Variants in TIPIN observed in about 807,000 individuals in gnomAD.
TIPIN encodes TIMELESS-interacting protein.
In TIPIN, 29 loss-of-function variants were observed where a neutral mutation model predicts 35.6. The observed-to-expected ratio is 0.82, with a 90% confidence interval of 0.61 to 1.11. The LOEUF (loss-of-function observed/expected upper bound fraction) is 1.11. Among genes scored for constraint, TIPIN ranks in the 50% most tolerant of loss-of-function variants. The probability of loss-of-function intolerance (pLI) is 0.00; values close to 1 mark genes in which losing one functional copy is unlikely to be tolerated. For synonymous variants in TIPIN, 102 were observed against 121.5 expected, an observed-to-expected ratio of 0.84 and a Z score of 1.06; for missense variants, 296 against 345.4, an observed-to-expected ratio of 0.86 and a Z score of 1.13.
chr15:66,370,024 T>C (rs927468507), intron 1 of TIPIN, among the ~76,000 whole-genome samples: 7 of 152,210 alleles, frequency 4.6e-5, no homozygotes, highest in African/African-American at 1.7e-4. Flanking sequence ...ATGAATGTCC[T>C]GGGAAAGAGA....
intron 1 of TIPIN, among the ~76,000 whole-genome samples, chr15:66,367,216 A>ATATCTG (rs1218328186): frequency 7.1e-6 from 1 of 140,580 alleles, no homozygotes; most frequent in African/African-American, 3.2e-5. Flanking sequence ...ATCTATATCT[A>ATATCTG]TATCTATATC....
At chr15:66,366,710 T>G (rs1459409319) in intron 1 of TIPIN, 1 of 572,830 alleles carries the variant, frequency 1.7e-6, no homozygotes, top group Non-Finnish European at 2.2e-6. Context: ...GAGGTTGCAG[T>G]CAGCTGAGAA....
In TIPIN at chr15:66,352,132, T is replaced by G. The variant is rs754689583; in HGVS notation, c.209A>C (p.Gln70Pro). 1 of 1,600,654 alleles carries G rather than the reference T, an allele frequency of 6.2e-7. No individual in the cohort carries two copies. Among genetic ancestry groups the G allele is most frequent in the Non-Finnish European group, 8.5e-7 (1 of 1,172,390 alleles). The change falls in exon 3 of 8, where the codon CAG becomes CCG. Residue 70 changes from glutamine to proline, a missense_variant. By Grantham distance (76) the Gln-to-Pro change is moderately conservative (BLOSUM62 -1). Coordinates refer to ENST00000261881, the MANE Select transcript of TIPIN (RefSeq NM_017858.3). The part of the protein sequence containing the change: ...VKRNIPKLDA[Q>P]RLISERGLPA... ...TATAAGAATATAGTAAATGTACCTCTGAGCATCCAGCTTGGGTATATTTCT... is the reference window on the plus strand; with the variant it reads ...TATAAGAATATAGTAAATGTACCTCGGAGCATCCAGCTTGGGTATATTTCT...
chr15:66,344,265 C>A lies in TIPIN; in HGVS notation c.476-2909G>T, dbSNP rs912406962. On this transcript the variant is annotated intron_variant, in intron 6 of 7. Coordinates refer to ENST00000261881, the MANE Select transcript of TIPIN (RefSeq NM_017858.3). Reference sequence around the variant, plus strand: ...AGGTGTTGACCACTCTGGTCCCTAACTCCTGGCTTCAAATGAACTCAAAGA... The same window carrying A: ...AGGTGTTGACCACTCTGGTCCCTAAATCCTGGCTTCAAATGAACTCAAAGA... Among the ~76,000 whole-genome samples, 3 of 152,078 alleles carry A rather than the reference C, an allele frequency of 2.0e-5. No individual in the cohort carries two copies. In the South Asian group the frequency reaches 6.2e-4, roughly 32 times the overall value.
chr15:66,351,484 A>G (rs774957423), intron 4 of TIPIN, 41 bp downstream of exon 4: 2 of 1,469,612 alleles, frequency 1.4e-6, no homozygotes, highest in East Asian at 2.3e-5. Context: ...TTTTATTGCT[A>G]TTTTAAAAAA....
At chr15:66,355,122 C>T (rs1322296644) in intron 1 of TIPIN, among the ~76,000 whole-genome samples, 1 of 150,798 alleles carries the variant, frequency 6.6e-6, no homozygotes, top group Non-Finnish European at 1.5e-5. Context: ...CAAGCTCCGC[C>T]TCCCGGGTTC....
intron 6 of TIPIN, among the ~76,000 whole-genome samples, chr15:66,344,605 C>A (rs1227135111): frequency 6.7e-6 from 1 of 149,808 alleles, no homozygotes; most frequent in Admixed American, 6.8e-5. Context: ...AATCCCAGCA[C>A]TTTGGGAACC....
At chr15:66,338,813 CAAAAAAAAAAAAAAA>C (rs35966273) in intron 7 of TIPIN, among the ~76,000 whole-genome samples, 1 of 35,292 alleles carries the variant, frequency 2.8e-5, no homozygotes. Flanking sequence ...GACTCCGTCT[CAAAAAAAAAAAAAAA>C]AAAAAAAGGA....
At chr15:66,352,424 G>A (rs975303843) in intron 2 of TIPIN, among the ~76,000 whole-genome samples, 3 of 151,926 alleles carry the variant, frequency 2.0e-5, no homozygotes, top group African/African-American at 4.8e-5. Flanking sequence ...TCAGTATCCC[G>A]AGTACCTGGA....
At chr15:66,338,086 C>T (rs1566969528) in intron 7 of TIPIN, among the ~76,000 whole-genome samples, 1 of 151,816 alleles carries the variant, frequency 6.6e-6, no homozygotes, top group Non-Finnish European at 1.5e-5. Context: ...TGAAACCCTG[C>T]CTCTACAAAA....
intron 6 of TIPIN, among the ~76,000 whole-genome samples, chr15:66,347,835 C>G (rs1345714607): frequency 6.6e-6 from 1 of 152,124 alleles, no homozygotes; most frequent in African/African-American, 2.4e-5. Context: ...CTGCCCACCT[C>G]AGCCTCCCAA....
At chr15:66,347,724 C>G (rs929554781) in intron 6 of TIPIN, among the ~76,000 whole-genome samples, 2 of 152,076 alleles carry the variant, frequency 1.3e-5, no homozygotes, top group Non-Finnish European at 2.9e-5. Flanking sequence ...GCTGGGATTA[C>G]AGGCGTGCAC....
chr15:66,361,888 A>T (rs151215923), intron 1 of TIPIN, among the ~76,000 whole-genome samples: 3,963 of 151,996 alleles, frequency 0.026, 58 homozygotes, highest in Non-Finnish European at 0.037. Flanking sequence ...TGCCTGTAGG[A>T]GAATCACTCC....
intron 1 of TIPIN, chr15:66,366,684 T>C: frequency 2.8e-6 from 1 of 356,174 alleles, no homozygotes; most frequent in Non-Finnish European, 3.9e-6. Flanking sequence ...GGAGAATTGC[T>C]TGAACCCAGG....
At position 66,348,881 on chromosome 15, in the gene TIPIN, G is replaced by C. The variant is rs577319783; in HGVS notation, c.475+179C>G. 2.6e-5 allele frequency among the ~76,000 whole-genome samples: 4 copies of C among 152,270 alleles called. No individual in the cohort carries two copies. In the South Asian group the frequency reaches 8.3e-4, roughly 32 times the overall value. On this transcript the variant is annotated intron_variant, in intron 6 of 7. Coordinates refer to ENST00000261881, the MANE Select transcript of TIPIN (RefSeq NM_017858.3). ...GATCCCTTAAGCCCAGGAGTTGAAG[G>C]CTGCAGTAAGCTATGATTGTGCTAC...
At chr15:66,341,452 T>C in intron 6 of TIPIN, 96 bp from the exon 7 acceptor site, 5 of 1,040,260 alleles carry the variant, frequency 4.8e-6, no homozygotes, top group African/African-American at 1.6e-5. Flanking sequence ...GTGACAGACC[T>C]GAAAAAACAA....
chr15:66,365,694 G>A (rs766690239), intron 1 of TIPIN, among the ~76,000 whole-genome samples: 4 of 151,944 alleles, frequency 2.6e-5, no homozygotes, highest in Non-Finnish European at 2.9e-5. Flanking sequence ...TTACAGGTGC[G>A]TGGCACCATG....
At chr15:66,386,004 C>T (rs1274030633) in intron 1 of TIPIN, among the ~76,000 whole-genome samples, 2 of 152,042 alleles carry the variant, frequency 1.3e-5, no homozygotes, top group East Asian at 3.8e-4. Flanking sequence ...CTCCTGGGCT[C>T]AAGTGATCCT....
intron 6 of TIPIN, among the ~76,000 whole-genome samples, chr15:66,347,992 C>T (rs2093138174): frequency 1.4e-5 from 2 of 143,526 alleles, no homozygotes; most frequent in African/African-American, 5.1e-5. Flanking sequence ...CCTCTAACTA[C>T]TTCTATTCTT....
Sources: gnomAD v4.1 joint callset for allele counts (sites outside exome capture counted in the v4.1 genomes callset) on GRCh38, gnomAD v4.1.1 for gene constraint, MANE v1.5 for transcripts, NCBI Gene and HGNC (gene_info 2026-07-23, HGNC 2026-07-21) for gene names.